SMURF2: variants seen among roughly 807,000 people sequenced by gnomAD.
SMURF2 encodes the protein E3 ubiquitin-protein ligase SMURF2.
SMURF2 carries 48 observed loss-of-function variants against 109.6 expected under a neutral mutation model. That is an observed-to-expected ratio of 0.44 (90% CI 0.35 to 0.56). The LOEUF is 0.56. Among genes scored for constraint, SMURF2 ranks in the 20% least tolerant of loss-of-function variants. The pLI, the probability that SMURF2 is intolerant of heterozygous loss-of-function variation, is 0.01. For synonymous variants in SMURF2, 288 were observed against 317.1 expected, an observed-to-expected ratio of 0.91 and a Z score of 0.97; for missense variants, 575 against 909.0, an observed-to-expected ratio of 0.63 and a Z score of 4.72.
chr17:64,587,085 G>A (rs554273211), intron 5 of SMURF2, among the ~76,000 whole-genome samples: 1 of 151,208 alleles, frequency 6.6e-6, no homozygotes, highest in Non-Finnish European at 1.5e-5. Flanking sequence ...CTGAGGCAGG[G>A]GAATCACTTG....
intron 10 of SMURF2, among the ~76,000 whole-genome samples, chr17:64,569,503 G>C (rs1412706009): frequency 6.6e-6 from 1 of 152,128 alleles, no homozygotes; most frequent in Non-Finnish European, 1.5e-5. Flanking sequence ...AAAAAAAGCT[G>C]TTCAAGCTCA....
At chr17:64,554,617 G>A (rs765877665) in intron 15 of SMURF2, among the ~76,000 whole-genome samples, 19 of 152,156 alleles carry the variant, frequency 1.2e-4, no homozygotes, top group Non-Finnish European at 1.9e-4. Flanking sequence ...TCTTGGTGTT[G>A]CAGGCCTAGC....
chr17:64,588,947 T>C (rs16947903), intron 5 of SMURF2, among the ~76,000 whole-genome samples: 10,542 of 152,198 alleles, frequency 0.069, 547 homozygotes, highest in Admixed American at 0.14. Context: ...TTAAAGTTAG[T>C]CTTCTAGTGT....
At position 64,662,187 on chromosome 17, in the gene SMURF2, C is replaced by T. The variant is rs1970793413; in HGVS notation, c.-307G>A. The T allele has an allele frequency of 9.7e-7, 1 of 1,035,366 alleles. No individual in the cohort carries two copies. Among genetic ancestry groups the T allele is most frequent in the African/African-American group, 1.7e-5 (1 of 57,996 alleles). 64.1% of individuals were successfully genotyped at this position (1,035,366 alleles called of 1,614,324 possible). A position where few individuals can be genotyped will look rare whatever the true frequency, so the allele number is the denominator to read the frequency against. ...CTCGCGGCCGCCGAGGCCTTTCCCT[C>T]CTCTCGTCTCGGCGAGGCCCAGTAG... On this transcript the variant is annotated 5_prime_UTR_variant, in exon 1 of 19. Transcript: ENST00000262435.
intron 5 of SMURF2, among the ~76,000 whole-genome samples, chr17:64,587,038 G>C (rs1441253695): frequency 1.3e-5 from 2 of 151,496 alleles, no homozygotes; most frequent in Non-Finnish European, 2.9e-5. Flanking sequence ...AACTATGGGC[G>C]TGGTGCGTGC....
rs1555683271 is a variant in SMURF2, at chr17:64,547,686, A to C, written c.1985T>G (p.Phe662Cys). 8 of 1,614,004 alleles carry C rather than the reference A, an allele frequency of 5.0e-6. No individual in the cohort carries two copies. Among genetic ancestry groups the C allele is most frequent in the Non-Finnish European group, 6.8e-6 (8 of 1,179,982 alleles). ...IVKWFWKAVEFFDEERRARLL... is the reference protein window; with the variant it reads ...IVKWFWKAVECFDEERRARLL... ...TCTTGCTCGTCGCTCTTCATCAAAA[A>C]ACTCCACAGCTTTCCAGAACCATTT... The change falls in exon 17 of 19, where the codon TTT becomes TGT. Residue 662 changes from phenylalanine (F) to cysteine (C), a missense_variant. By Grantham distance (205) the Phe-to-Cys change is radical. Coordinates refer to ENST00000262435, the MANE Select transcript of SMURF2 (RefSeq NM_022739.4). The surrounding 1 kb of genome is among the most constrained non-coding windows in gnomAD (Gnocchi z 4.2).
intron 3 of SMURF2, among the ~76,000 whole-genome samples, chr17:64,598,155 A>G (rs1258226677): frequency 6.6e-6 from 1 of 152,226 alleles, no homozygotes; most frequent in Non-Finnish European, 1.5e-5. Context: ...GGATTGCTCT[A>G]CTGTGAGCCA....
intron 1 of SMURF2, among the ~76,000 whole-genome samples, chr17:64,607,495 G>A (rs545428871): frequency 2.0e-5 from 3 of 151,914 alleles, no homozygotes; most frequent in East Asian, 1.9e-4. Flanking sequence ...GCGTGGTGGC[G>A]TGCGCCTGTA....
At chr17:64,567,104 C>G (rs1450214733) in intron 10 of SMURF2, among the ~76,000 whole-genome samples, 2 of 151,872 alleles carry the variant, frequency 1.3e-5, no homozygotes, top group East Asian at 1.9e-4. Flanking sequence ...GTGATCTACC[C>G]GCCTCGGCCT....
At chr17:64,627,136 T>C (rs1970278686) in intron 1 of SMURF2, among the ~76,000 whole-genome samples, 1 of 137,102 alleles carries the variant, frequency 7.3e-6, no homozygotes, top group Non-Finnish European at 1.5e-5. Flanking sequence ...TTTTTTGAGA[T>C]GGAGTCTTGC....
intron 1 of SMURF2, among the ~76,000 whole-genome samples, chr17:64,661,040 C>T (rs1013791090): frequency 5.9e-5 from 9 of 152,110 alleles, no homozygotes; most frequent in Middle Eastern, 3.4e-3. Flanking sequence ...AGAAAGTTTG[C>T]TCGAAAGTTT....
chr17:64,662,162 C>T lies in SMURF2; in HGVS notation c.-282G>A, dbSNP rs1568215066. The T allele has an allele frequency of 9.7e-7, 1 of 1,035,152 alleles. No homozygotes were observed. The highest frequency in any genetic ancestry group is 1.7e-5 in the African/African-American group (1 of 58,096). 64.1% of individuals were successfully genotyped at this position (1,035,152 alleles called of 1,614,324 possible). On this transcript the variant is annotated 5_prime_UTR_variant, in exon 1 of 19. Transcript: ENST00000262435. ...CCTCCGCCCGCGCCCCCGCCGCCTC[C>T]TCGCGGCCGCCGAGGCCTTTCCCTC...
intron 5 of SMURF2, among the ~76,000 whole-genome samples, chr17:64,588,520 AAAAGTTAATG>A (rs1969700385): frequency 6.6e-6 from 1 of 152,148 alleles, no homozygotes; most frequent in South Asian, 2.1e-4. Context: ...AAGCAAAGTA[AAAAGTTAATG>A]TTCACTGGAA....
chr17:64,605,744 A>AATATATATATATAT lies in SMURF2; in HGVS notation c.91+844_91+857dup, dbSNP rs71158333. On this transcript the variant is annotated intron_variant, in intron 2 of 18. Coordinates refer to ENST00000262435, the MANE Select transcript of SMURF2 (RefSeq NM_022739.4). ...AGGGCAAGATCCTGTCTCTAAAAAG[A>AATATATATATATAT]ATATATATATATATATATATATATA... Among the ~76,000 whole-genome samples the AATATATATATATAT allele has an allele frequency of 6.1e-3, 608 of 99,000 alleles. 5 individuals are homozygous for AATATATATATATAT. The highest frequency in any genetic ancestry group is 0.011 in the African/African-American group (265 of 24,904). The allele number at this position is 99,000 out of a possible 152,430, so 64.9% of individuals were successfully genotyped here.
intron 2 of SMURF2, among the ~76,000 whole-genome samples, chr17:64,606,070 A>G (rs1969966731): frequency 6.6e-6 from 1 of 152,030 alleles, no homozygotes; most frequent in Admixed American, 6.6e-5. Context: ...AAAAAATTAC[A>G]ACAGATTGGT....
chr17:64,556,875 G>C (rs1031949640), intron 13 of SMURF2, among the ~76,000 whole-genome samples: 6 of 152,142 alleles, frequency 3.9e-5, no homozygotes, highest in African/African-American at 1.4e-4. Context: ...TTTTTTAAAA[G>C]TAACACACGC....
At chr17:64,583,178 G>A (rs1969600469) in intron 7 of SMURF2, among the ~76,000 whole-genome samples, 1 of 151,874 alleles carries the variant, frequency 6.6e-6, no homozygotes, top group African/African-American at 2.4e-5. Context: ...AGGCAGCCTC[G>A]AAAAGTGCAG....
At chr17:64,584,747 T>C (rs1555686937) in intron 6 of SMURF2, among the ~76,000 whole-genome samples, 1 of 152,200 alleles carries the variant, frequency 6.6e-6, no homozygotes, top group Non-Finnish European at 1.5e-5. Context: ...TTAATATTTC[T>C]ACAAAGATAC....
rs573623290 is a variant in SMURF2 at position 64,622,516 on chromosome 17, C to G, written c.53-15876G>C. ...TGTTTCTCAGACTTGTTATTTATGG[C>G]CTTGATGGTTTTGAGGAAAATATTG... On this transcript the variant is annotated intron_variant, in intron 1 of 18. Coordinates refer to ENST00000262435, the MANE Select transcript of SMURF2 (RefSeq NM_022739.4). 5.3e-5 allele frequency among the ~76,000 whole-genome samples: 8 copies of G among 152,142 alleles called. No individual in the cohort carries two copies. In the South Asian group the frequency reaches 1.4e-3, roughly 28 times the overall value.
Sources: gnomAD v4.1 joint callset for allele counts (sites outside exome capture counted in the v4.1 genomes callset) on GRCh38, gnomAD v4.1.1 for gene constraint, Gnocchi (gnomAD v3.1) non-coding constraint, MANE v1.5 for transcripts, NCBI Gene and HGNC (gene_info 2026-07-23, HGNC 2026-07-21) for gene names.